DUSP18: variants seen among roughly 807,000 people sequenced by gnomAD.
The protein encoded by DUSP18 is dual specificity protein phosphatase 18.
A neutral mutation model predicts 6.3 loss-of-function variants in DUSP18; 4 were observed. That is an observed-to-expected ratio of 0.63 (90% CI 0.31 to 1.45). DUSP18 has a LOEUF of 1.45. Among genes scored for constraint, DUSP18 ranks in the 40% most tolerant of loss-of-function variants. The pLI is 0.07. For missense variants in DUSP18, 235 were observed against 247.7 expected, an observed-to-expected ratio of 0.95 and a Z score of 0.34; for synonymous variants, 96 against 95.1, an observed-to-expected ratio of 1.01 and a Z score of -0.05.
intron 1 of DUSP18, among the ~76,000 whole-genome samples, chr22:30,664,312 A>G (rs940603489): frequency 3.3e-5 from 5 of 152,196 alleles, no homozygotes; most frequent in African/African-American, 1.2e-4. Flanking sequence ...CATGCTTCTC[A>G]GGTGGTCTAA....
intron 1 of DUSP18, 144 bp downstream of exon 1, chr22:30,667,318 C>G (rs1424935719): frequency 6.6e-6 from 1 of 152,242 alleles, no homozygotes; most frequent in South Asian, 2.1e-4. Context: ...TCGTGAAATA[C>G]TAAGTTATAA....
Position 30,663,755 on chromosome 22 carries a change from A to G in DUSP18, c.249T>C (p.Phe83=), listed in dbSNP as rs761916352. 6.2e-7 allele frequency: 1 copy of G among 1,614,268 alleles called. No individual in the cohort carries two copies. The highest frequency in any genetic ancestry group is 8.5e-7 in the Non-Finnish European group (1 of 1,180,054). ...DSPNSRLCDF[F]DPIADHIHSV... ...TGTGGATATGGTCAGCAATAGGGTC[A>G]AAGAAGTCACAGAGACGTGAGTTAG... The change falls in exon 2 of 2, where the codon TTT becomes TTC. Residue 83 remains phenylalanine (F), a synonymous_variant. Transcript: ENST00000334679.
intron 2 of DUSP18, among the ~76,000 whole-genome samples, chr22:30,653,621 C>CA (rs2088270958): frequency 6.6e-6 from 1 of 151,988 alleles, no homozygotes; most frequent in Admixed American, 6.6e-5. Flanking sequence ...GACCCGCCCC[C>CA]CCTCGGCCTC....
At chr22:30,653,981 T>TG (rs138763374) in intron 2 of DUSP18, 2,187 of 152,100 alleles carry the variant, frequency 0.014, 59 homozygotes, top group African/African-American at 0.055. Flanking sequence ...TGTTTTGTTT[T>TG]TTTGTTTTTT....
chr22:30,658,111 A>T (rs900671605), downstream of DUSP18, among the ~76,000 whole-genome samples: 15 of 146,344 alleles, frequency 1.0e-4, no homozygotes, highest in South Asian at 2.2e-4. Flanking sequence ...TTCAAAATAA[A>T]TTTTTTTTTT....
chr22:30,667,247 A>G (rs1361767052), intron 1 of DUSP18: 1 of 152,238 alleles, frequency 6.6e-6, no homozygotes, highest in Non-Finnish European at 1.5e-5. Context: ...GTCATAAAGC[A>G]AAGAAGCCGA....
At chr22:30,659,123 C>CAAA (rs35939188), downstream of DUSP18, among the ~76,000 whole-genome samples, 39 of 104,652 alleles carry the variant, frequency 3.7e-4, no homozygotes, top group Middle Eastern at 4.8e-3. Context: ...GACTCCATCT[C>CAAA]AAAAAAAAAA....
rs1193513400 is a variant in DUSP18, at chr22:30,662,142, G to C, written c.*1295C>G. 1 of 151,272 alleles carries C rather than the reference G, an allele frequency of 6.6e-6. No individual in the cohort carries two copies. Among genetic ancestry groups the C allele is most frequent in the Non-Finnish European group, 1.5e-5 (1 of 67,972 alleles). The allele number at this position is 151,272 out of a possible 1,614,324, so 9.4% of individuals were successfully genotyped here. Reference sequence around the variant, plus strand: ...ATGCCATTATGGGGATGTGTGTGCCGACCTGGGACCAGCAGGGTGAAAGAG... The same window carrying C: ...ATGCCATTATGGGGATGTGTGTGCCCACCTGGGACCAGCAGGGTGAAAGAG... On this transcript the variant is annotated 3_prime_UTR_variant, in exon 2 of 2. Transcript: ENST00000334679.
chr22:30,652,699 T>C (rs748282477), intron 2 of DUSP18, among the ~76,000 whole-genome samples: 26 of 152,236 alleles, frequency 1.7e-4, no homozygotes, highest in Non-Finnish European at 2.9e-4. Context: ...TTCCTTGCCA[T>C]GTGGGCTTCT....
At chr22:30,657,301 AC>A (rs1569065205), downstream of DUSP18, among the ~76,000 whole-genome samples, 624 of 58,416 alleles carry the variant, frequency 0.011, 7 homozygotes, top group East Asian at 0.071. Context: ...ACACACACAC[AC>A]ACACAAATTA....
In DUSP18 at chr22:30,655,037, C is replaced by A. The variant is rs2088306483; in HGVS notation, c.*34-2740G>T. Among the ~76,000 whole-genome samples, 3 of 152,216 alleles carry A rather than the reference C, an allele frequency of 2.0e-5. No individual in the cohort carries two copies. The South Asian group carries it at 6.2e-4, about 32-fold the overall frequency. On this transcript the variant is annotated intron_variant, in intron 2 of 2. Coordinates refer to the DUSP18 transcript ENST00000404885. ...AGAGGGAGCAGTAGGATTAGGACTT[C>A]ACCCTCCTAATTCCTGGGGTTCTGC...
In DUSP18 at chr22:30,663,736, T is replaced by C; in HGVS notation, c.268A>G (p.Ile90Val). 1.2e-6 allele frequency: 2 copies of C among 1,614,188 alleles called. No homozygotes were observed. The highest frequency in any genetic ancestry group is 1.7e-6 in the Non-Finnish European group (2 of 1,180,034). The change falls in exon 2 of 2, where the codon ATC (isoleucine) becomes GTC (valine). Residue 90 changes from isoleucine (I) to valine (V), a missense_variant. Coordinates refer to ENST00000334679, the MANE Select transcript of DUSP18 (RefSeq NM_152511.5). ...CDFFDPIADHIHSVEMKQGRT... is the reference protein window; with the variant it reads ...CDFFDPIADHVHSVEMKQGRT... ...CCCTGCTTCATCTCCACGCTGTGGA[T>C]ATGGTCAGCAATAGGGTCAAAGAAG...
intron 2 of DUSP18, among the ~76,000 whole-genome samples, chr22:30,655,330 G>A (rs371514568): frequency 1.1e-4 from 16 of 147,830 alleles, no homozygotes; most frequent in East Asian, 1.0e-3. Context: ...GGTGGTGCAC[G>A]CCTGTAGTCC....
At chr22:30,664,642 A>G (rs143946044) in intron 1 of DUSP18, among the ~76,000 whole-genome samples, 14 of 152,380 alleles carry the variant, frequency 9.2e-5, no homozygotes, top group African/African-American at 3.1e-4. Flanking sequence ...GGCTGGTATA[A>G]GAGTAGGGAG....
rs2088513109 is a variant in DUSP18, at chr22:30,662,690, A to G, written c.*747T>C. ...AAAAAAGAAAAAAAATGAGGCGGGC[A>G]TGGTGGCAAACATCTGTAGTCCCAG... is the stretch of plus-strand genomic sequence containing the variant. On this transcript the variant is annotated 3_prime_UTR_variant, in exon 2 of 2. Transcript: ENST00000334679. 1 of 152,162 alleles carries G rather than the reference A, an allele frequency of 6.6e-6. No homozygotes were observed. The highest frequency in any genetic ancestry group is 2.1e-4 in the South Asian group (1 of 4,830). The allele number at this position is 152,162 out of a possible 1,614,324, so 9.4% of individuals were successfully genotyped here.
At chr22:30,665,774 C>G (rs2088628252) in intron 1 of DUSP18, among the ~76,000 whole-genome samples, 1 of 152,240 alleles carries the variant, frequency 6.6e-6, no homozygotes, top group South Asian at 2.1e-4. Context: ...CACTCCCACT[C>G]TATCACCAAC....
chr22:30,664,022 G>T lies in DUSP18; in HGVS notation c.-19C>A. ...CTGTCATCAAGGCGGTGGGTCAGTGGTCAGCAGTCAGCGAAGCACGAAGGC... is the reference window on the plus strand; with the variant it reads ...CTGTCATCAAGGCGGTGGGTCAGTGTTCAGCAGTCAGCGAAGCACGAAGGC... On this transcript the variant is annotated 5_prime_UTR_variant, in exon 2 of 2. Transcript: ENST00000334679. 1 of 1,599,476 alleles carries T rather than the reference G, an allele frequency of 6.3e-7. No homozygotes were observed. The highest frequency in any genetic ancestry group is 8.5e-7 in the Non-Finnish European group (1 of 1,170,092).
Position 30,663,292 on chromosome 22 carries a change from T to C in DUSP18, c.*145A>G. The C allele has an allele frequency of 1.3e-6, 1 of 789,566 alleles. No individual in the cohort carries two copies. The highest frequency in any genetic ancestry group is 2.0e-5 in the South Asian group (1 of 51,212). 48.9% of individuals were successfully genotyped at this position (789,566 alleles called of 1,614,324 possible). A position where few individuals can be genotyped will look rare whatever the true frequency, so the allele number is the denominator to read the frequency against. Reference sequence around the variant, plus strand: ...AAAAATGGATTATAAAGTTAAAAGCTACAGCAACTCTTTTTTGTGCTCATA... The same window carrying C: ...AAAAATGGATTATAAAGTTAAAAGCCACAGCAACTCTTTTTTGTGCTCATA... On this transcript the variant is annotated 3_prime_UTR_variant, in exon 2 of 2. Coordinates refer to ENST00000334679, the MANE Select transcript of DUSP18 (RefSeq NM_152511.5).
intron 1 of DUSP18, among the ~76,000 whole-genome samples, chr22:30,666,447 C>T (rs926789368): frequency 6.6e-6 from 1 of 151,626 alleles, no homozygotes; most frequent in Non-Finnish European, 1.5e-5. Flanking sequence ...ATGGTGAAAC[C>T]CCCGTCTCTA....
Sources: gnomAD v4.1 joint callset for allele counts (sites outside exome capture counted in the v4.1 genomes callset) on GRCh38, gnomAD v4.1.1 for gene constraint, MANE v1.5 for transcripts, NCBI Gene and HGNC (gene_info 2026-07-23, HGNC 2026-07-21) for gene names.